Variants in TENT5D observed in about 807,000 individuals in gnomAD.
TENT5D encodes the protein cancer/testis antigen 112.
For synonymous variants in TENT5D, 103 were observed against 100.6 expected (o/e 1.02, Z -0.15); for missense variants, 191 against 287.0 (o/e 0.67, Z 2.42).
intron 1 of TENT5D, among the ~76,000 whole-genome samples, chrX:80,422,388 G>T (rs1016898531): frequency 8.9e-6 from 1 of 111,927 alleles, no homozygotes; most frequent in East Asian, 2.8e-4. Flanking sequence ...CAGGAGAATC[G>T]CTTGAACCTG....
intron 1 of TENT5D, among the ~76,000 whole-genome samples, chrX:80,428,641 G>A (rs1932028783): frequency 1.8e-5 from 2 of 112,053 alleles, no homozygotes; most frequent in South Asian, 3.7e-4. Context: ...TTATCTGCTC[G>A]AGTTTCTTTT....
At chrX:80,419,220 A>G (rs1041606808), upstream of TENT5D, among the ~76,000 whole-genome samples, 25 of 111,827 alleles carry the variant, frequency 2.2e-4, no homozygotes, top group Non-Finnish European at 3.8e-5. Context: ...AGTATTATAT[A>G]TATCATGTAA....
chrX:80,396,664 T>C (rs1931249876), intron 3 of TENT5D, among the ~76,000 whole-genome samples: 1 of 107,441 alleles, frequency 9.3e-6, no homozygotes, highest in Admixed American at 9.9e-5. Flanking sequence ...AAGTCTCCCA[T>C]GTCTACCTCT....
chrX:80,442,061 A>T (rs1441178945), intron 2 of TENT5D, among the ~76,000 whole-genome samples: 1 of 111,186 alleles, frequency 9.0e-6, no homozygotes. Context: ...GGGATTAAAG[A>T]TTATATATAT....
intron 1 of TENT5D, among the ~76,000 whole-genome samples, chrX:80,422,233 G>GC (rs897924521): frequency 3.2e-4 from 35 of 108,601 alleles, no homozygotes; most frequent in African/African-American, 1.2e-3. Context: ...CCAGCACTTT[G>GC]GGGGGCTGAG....
intron 3 of TENT5D, among the ~76,000 whole-genome samples, chrX:80,407,370 G>C (rs1479135484): frequency 9.0e-6 from 1 of 110,536 alleles, no homozygotes; most frequent in Non-Finnish European, 1.9e-5. Context: ...CATGGGCAGA[G>C]ACACACATAG....
intron 3 of TENT5D, among the ~76,000 whole-genome samples, chrX:80,377,357 G>GAGAAA (rs1930751054): frequency 9.0e-6 from 1 of 110,942 alleles, no homozygotes; most frequent in Admixed American, 9.7e-5. Flanking sequence ...TTTACGTTAG[G>GAGAAA]TATTTCTCCT....
chrX:80,348,500 C>T (rs1333230972), intron 3 of TENT5D, among the ~76,000 whole-genome samples: 3 of 111,504 alleles, frequency 2.7e-5, no homozygotes, highest in Non-Finnish European at 5.7e-5. Flanking sequence ...GATTTTTGCC[C>T]ATTGATTTTG....
chrX:80,361,700 A>G (rs778639698), intron 3 of TENT5D, among the ~76,000 whole-genome samples: 2 of 112,126 alleles, frequency 1.8e-5, no homozygotes, highest in Non-Finnish European at 3.8e-5. Context: ...TAGTGTTATA[A>G]GTAGCCTGAG....
chrX:80,360,644 A>G (rs1026349811), intron 3 of TENT5D, among the ~76,000 whole-genome samples: 3 of 111,837 alleles, frequency 2.7e-5, no homozygotes, highest in African/African-American at 9.7e-5. Context: ...GCTACACATG[A>G]TATGAGAGAA....
intron 3 of TENT5D, among the ~76,000 whole-genome samples, chrX:80,394,039 A>G (rs1282707118): frequency 8.9e-6 from 1 of 112,058 alleles, no homozygotes; most frequent in Non-Finnish European, 1.9e-5. Context: ...CATCTCTACA[A>G]CATATTGATC....
intron 3 of TENT5D, among the ~76,000 whole-genome samples, chrX:80,411,042 A>T (rs1348588655): frequency 2.1e-5 from 2 of 96,612 alleles, no homozygotes; most frequent in Non-Finnish European, 4.1e-5. Context: ...GGAATTGAAC[A>T]ATGAGAACAC....
chrX:80,434,091 C>T (rs757822373), intron 1 of TENT5D, among the ~76,000 whole-genome samples: 3 of 106,990 alleles, frequency 2.8e-5, no homozygotes, highest in East Asian at 5.9e-4. Context: ...GAGCCAAGAT[C>T]GTACCACTGC....
At chrX:80,411,415 T>C (rs1465246579) in intron 3 of TENT5D, among the ~76,000 whole-genome samples, 1 of 111,998 alleles carries the variant, frequency 8.9e-6, no homozygotes, top group Non-Finnish European at 1.9e-5. Flanking sequence ...TGTTTTATCC[T>C]AGACATTCGT....
At chrX:80,391,154 T>A (rs1327623164) in intron 3 of TENT5D, among the ~76,000 whole-genome samples, 1 of 111,674 alleles carries the variant, frequency 9.0e-6, no homozygotes, top group Non-Finnish European at 1.9e-5. Flanking sequence ...TTATGGAATA[T>A]AATGGTAAGA....
chrX:80,384,690 C>T (rs1316219209), intron 3 of TENT5D, among the ~76,000 whole-genome samples: 1 of 103,416 alleles, frequency 9.7e-6, no homozygotes, highest in Non-Finnish European at 2.0e-5. Context: ...TGTCTCAGCC[C>T]AAAATCTCCT....
chrX:80,406,288 A>G (rs376022545), intron 3 of TENT5D, among the ~76,000 whole-genome samples: 4 of 110,639 alleles, frequency 3.6e-5, no homozygotes, highest in Non-Finnish European at 5.7e-5. Flanking sequence ...GGCTTCAGAC[A>G]ATCAAATTAC....
rs72029455 is a variant in TENT5D at position 80,392,495 on chromosome X, C to CTTTTTTTTTTTTTTTTTT, written c.-141-46100_-141-46083dup. Among the ~76,000 whole-genome samples the CTTTTTTTTTTTTTTTTTT allele has an allele frequency of 4.1e-4, 10 of 24,307 alleles. 1 individual carries two copies. The highest frequency in any genetic ancestry group is 1.4e-3 in the East Asian group (1 of 715). 21.1% of individuals were successfully genotyped at this position (24,307 alleles called of 115,157 possible). On this transcript the variant is annotated intron_variant, in intron 3 of 4. Coordinates refer to the TENT5D transcript ENST00000538312. Reference sequence around the variant, plus strand: ...TTTATAGCTTTATTCTCATTTTATTCTTTTTTTTTTTTTTTTTTTTTTTTT... The same window carrying CTTTTTTTTTTTTTTTTTT: ...TTTATAGCTTTATTCTCATTTTATTCTTTTTTTTTTTTTTTTTTTTTTTTTTTTTTTTTTTTTTTTTTT...
At chrX:80,358,544 T>C (rs1316865036) in intron 3 of TENT5D, among the ~76,000 whole-genome samples, 2 of 112,569 alleles carry the variant, frequency 1.8e-5, no homozygotes, top group Non-Finnish European at 3.8e-5. Context: ...AGAGTTTACC[T>C]TTTGCGTGAA....
Sources: allele counts gnomAD v4.1 joint callset (sites outside exome capture counted in the v4.1 genomes callset), GRCh38; gene constraint gnomAD v4.1.1; transcripts MANE v1.5; gene names NCBI Gene and HGNC (gene_info 2026-07-23, HGNC 2026-07-21).